Variants in CHM observed in about 807,000 individuals in gnomAD.
CHM encodes the protein CHM Rab escort protein.
In CHM, 10 loss-of-function variants were observed where a neutral mutation model predicts 49.0. The observed-to-expected ratio is 0.20, with a 90% confidence interval of 0.13 to 0.35. The LOEUF (loss-of-function observed/expected upper bound fraction) is 0.35. Ranked by LOEUF, CHM falls within the 10% of genes least tolerant of loss-of-function variation. The pLI is 1.00. For synonymous variants in CHM, 184 were observed against 167.5 expected, an observed-to-expected ratio of 1.10 and a Z score of -0.76; for missense variants, 455 against 478.4, an observed-to-expected ratio of 0.95 and a Z score of 0.46.
chrX:86,030,505 G>A (rs1194066129), intron 1 of CHM, among the ~76,000 whole-genome samples: 1 of 111,984 alleles, frequency 8.9e-6, no homozygotes, highest in Non-Finnish European at 1.9e-5. Flanking sequence ...GGAAAGGGGA[G>A]AGGAAGGGAG....
intron 2 of CHM, among the ~76,000 whole-genome samples, chrX:85,991,794 T>C (rs914386744): frequency 1.8e-5 from 2 of 111,113 alleles, no homozygotes; most frequent in Non-Finnish European, 3.8e-5. Context: ...TAGGGCTTAA[T>C]AGAGCATCTG....
chrX:86,034,951 C>T (rs925042873), intron 1 of CHM, among the ~76,000 whole-genome samples: 28 of 111,572 alleles, frequency 2.5e-4, no homozygotes, highest in African/African-American at 8.8e-4. Flanking sequence ...AGGGGTTTTG[C>T]AGACTTCACC....
At chrX:85,950,344 T>G (rs1929679484) in intron 8 of CHM, among the ~76,000 whole-genome samples, 1 of 97,592 alleles carries the variant, frequency 1.0e-5, no homozygotes, top group Non-Finnish European at 2.1e-5. Flanking sequence ...AATGAATAAA[T>G]AATTTCAAAA....
intron 8 of CHM, among the ~76,000 whole-genome samples, chrX:85,936,477 GA>G (rs1410798676): frequency 1.8e-5 from 2 of 111,482 alleles, no homozygotes; most frequent in African/African-American, 6.5e-5. Context: ...GAGGCTTTGG[GA>G]ATTTAAATGA....
chrX:86,031,391 TA>T (rs895297827), intron 1 of CHM, among the ~76,000 whole-genome samples: 7 of 111,867 alleles, frequency 6.3e-5, no homozygotes, highest in Non-Finnish European at 1.1e-4. Flanking sequence ...CAAATTATAG[TA>T]TCTGAACTTG....
chrX:85,948,626 C>A (rs1027480140), intron 8 of CHM, among the ~76,000 whole-genome samples: 1 of 111,935 alleles, frequency 8.9e-6, no homozygotes, highest in African/African-American at 3.2e-5. Context: ...GAATCCTTCA[C>A]ATAAATATGC....
At chrX:86,001,047 T>C (rs1208918257) in intron 2 of CHM, among the ~76,000 whole-genome samples, 1 of 112,222 alleles carries the variant, frequency 8.9e-6, no homozygotes, top group African/African-American at 3.2e-5. Flanking sequence ...CCCAATTAGC[T>C]TGACTTGATC....
intron 12 of CHM, among the ~76,000 whole-genome samples, chrX:85,888,364 T>TTTGATAAGATAAAAAGA (rs1438193748): frequency 3.6e-5 from 4 of 112,385 alleles, no homozygotes; most frequent in African/African-American, 1.3e-4. Flanking sequence ...AAGATAATAT[T>TTTGATAAGATAAAAAGA]CAGTGCTCTT....
At chrX:85,913,967 G>A (rs1246987678) in intron 8 of CHM, among the ~76,000 whole-genome samples, 2 of 111,295 alleles carry the variant, frequency 1.8e-5, no homozygotes, top group African/African-American at 6.5e-5. Flanking sequence ...GGAGGAGGCC[G>A]AGAAGACTCC....
intron 2 of CHM, among the ~76,000 whole-genome samples, chrX:86,021,041 T>C (rs767153624): frequency 9.6e-4 from 93 of 96,830 alleles, no homozygotes; most frequent in African/African-American, 3.3e-3. Flanking sequence ...CACATATATA[T>C]ACACATATAT....
At chrX:85,974,547 T>C (rs943698416) in intron 4 of CHM, among the ~76,000 whole-genome samples, 4 of 111,143 alleles carry the variant, frequency 3.6e-5, no homozygotes, top group African/African-American at 9.8e-5. Context: ...AAAAAACATA[T>C]AGATCGAACA....
intron 5 of CHM, among the ~76,000 whole-genome samples, chrX:85,961,075 C>T (rs946331294): frequency 2.7e-5 from 3 of 111,004 alleles, no homozygotes; most frequent in Non-Finnish European, 5.7e-5. Context: ...TGAGGTTGAA[C>T]GCATATAGAA....
rs527377840 is a variant in CHM, at chrX:85,873,118, T to C, written c.1704A>G (p.Leu568=). 8.3e-7 allele frequency: 1 copy of C among 1,203,993 alleles called. No homozygotes were observed. Among genetic ancestry groups the C allele is most frequent in the Non-Finnish European group, 1.1e-6 (1 of 890,468 alleles). The part of the protein sequence containing the change: ...SDISRSCYND[L]PSNVYVCSGP... ...CAGAGCAGACATAAACGTTGGATGG[T>C]AAATCATTATAACAGCTCCTGCTGA... Residue 568 remains leucine, a synonymous_variant, in exon 14 of 15, where the codon TTA becomes TTG. Transcript: ENST00000357749.
chrX:86,021,055 C>T (rs1933539943), intron 2 of CHM, among the ~76,000 whole-genome samples: 1 of 95,638 alleles, frequency 1.0e-5, no homozygotes. Flanking sequence ...CATATATACA[C>T]ACATATATAT....
rs771223364 is a variant in CHM, at chrX:85,874,588, GAAC to G, written c.1610-1379_1610-1377del. On this transcript the variant is annotated intron_variant, in intron 13 of 14. Transcript: ENST00000357749. ...TTAATTTACAGTATCTCCACTATAA[GAAC>G]ACCAAATAAGTTATTTTCCTAGTTC... 6.3e-5 allele frequency among the ~76,000 whole-genome samples: 7 copies of G among 111,061 alleles called. No individual in the cohort carries two copies. In the East Asian group the frequency reaches 2.0e-3, roughly 31 times the overall value.
At chrX:86,012,543 C>T (rs1001526496) in intron 2 of CHM, among the ~76,000 whole-genome samples, 2 of 111,784 alleles carry the variant, frequency 1.8e-5, no homozygotes, top group African/African-American at 3.2e-5. Flanking sequence ...CATTTTACAA[C>T]CCTAAGCTCC....
Position 86,021,126 on chromosome X carries a change from G to GTATATATATATA in CHM, c.116+6353_116+6364dup, listed in dbSNP as rs3078128. 5.3e-3 allele frequency among the ~76,000 whole-genome samples: 296 copies of GTATATATATATA among 55,901 alleles called. 4 individuals are homozygous for GTATATATATATA. Among genetic ancestry groups the GTATATATATATA allele is most frequent in the South Asian group, 9.3e-3 (9 of 971 alleles). 48.5% of individuals were successfully genotyped at this position (55,901 alleles called of 115,157 possible). On this transcript the variant is annotated intron_variant, in intron 2 of 14. Coordinates refer to ENST00000357749, the MANE Select transcript of CHM (RefSeq NM_000390.4). ...TATACGTATATATATGTGTATATACGTATATATATATATATATATATATAT... is the reference window on the plus strand; with the variant it reads ...TATACGTATATATATGTGTATATACGTATATATATATATATATATATATATATATATATATAT...
intron 1 of CHM, 106 bp downstream of exon 1, chrX:86,047,378 C>A: frequency 1.4e-6 from 1 of 722,202 alleles, no homozygotes. Context: ...GTTCTCCCTC[C>A]CACTCTCGAC....
rs957127303 is a variant in CHM, at chrX:85,906,192, G to A, written c.1245-5004C>T. On this transcript the variant is annotated intron_variant, in intron 9 of 14. Coordinates refer to ENST00000357749, the MANE Select transcript of CHM (RefSeq NM_000390.4). ...ACGATACAGAATCTCTGATTTAGGA[G>A]GAAAAGAATCACTTTCCATCACAGT... 2.7e-5 allele frequency among the ~76,000 whole-genome samples: 3 copies of A among 111,961 alleles called. No individual in the cohort carries two copies. The Admixed American group carries it at 2.8e-4, about 11-fold the overall frequency.
Sources: gnomAD v4.1 joint callset for allele counts (sites outside exome capture counted in the v4.1 genomes callset) on GRCh38, gnomAD v4.1.1 for gene constraint, MANE v1.5 for transcripts, NCBI Gene and HGNC (gene_info 2026-07-23, HGNC 2026-07-21) for gene names.